The following DIAPH2 variants were observed in gnomAD, a reference collection of about 807,000 sequenced individuals.
DIAPH2 encodes the protein diaphanous related formin 2, also known as protein diaphanous homolog 2.
A neutral mutation model predicts 92.7 loss-of-function variants in DIAPH2; 35 were observed. The ratio of observed to expected loss-of-function variants is 0.38; its 90% CI spans 0.29 to 0.50. The LOEUF (loss-of-function observed/expected upper bound fraction) is 0.50. Ranked by LOEUF, DIAPH2 falls within the 20% of genes least tolerant of loss-of-function variation. The pLI is 0.94. For synonymous variants in DIAPH2, 301 were observed against 280.4 expected, an observed-to-expected ratio of 1.07 and a Z score of -0.73; for missense variants, 701 against 819.5, an observed-to-expected ratio of 0.86 and a Z score of 1.77.
At chrX:97,300,862 G>A (rs1457308819) in intron 23 of DIAPH2, among the ~76,000 whole-genome samples, 4 of 95,727 alleles carry the variant, frequency 4.2e-5, no homozygotes, top group Non-Finnish European at 8.2e-5. Context: ...AACCCGGGAG[G>A]CGGAGGTTGC....
chrX:97,364,385 A>G (rs2069358493), intron 24 of DIAPH2, among the ~76,000 whole-genome samples: 1 of 112,064 alleles, frequency 8.9e-6, no homozygotes, highest in African/African-American at 3.2e-5. Flanking sequence ...CAGGAGTTTC[A>G]TTGGCAGAGA....
At chrX:97,277,118 C>A (rs184151361) in intron 23 of DIAPH2, among the ~76,000 whole-genome samples, 1,213 of 112,130 alleles carry the variant, frequency 0.011, 14 homozygotes, top group African/African-American at 0.037. Context: ...AGGTGGATCA[C>A]CTGAGGTCAG....
chrX:97,412,183 C>G (rs1414142165), intron 25 of DIAPH2, among the ~76,000 whole-genome samples: 1 of 111,869 alleles, frequency 8.9e-6, no homozygotes, highest in African/African-American at 3.3e-5. Flanking sequence ...TGTAAAAGAA[C>G]AGAAATCACA....
chrX:96,879,866 A>G (rs977942781), intron 4 of DIAPH2, among the ~76,000 whole-genome samples: 4 of 110,535 alleles, frequency 3.6e-5, no homozygotes, highest in African/African-American at 1.3e-4. Flanking sequence ...AGTTGCTGGG[A>G]TTACAGGCAT....
At chrX:97,283,776 C>T (rs2147603259) in intron 23 of DIAPH2, among the ~76,000 whole-genome samples, 1 of 111,488 alleles carries the variant, frequency 9.0e-6, no homozygotes, top group East Asian at 2.8e-4. Context: ...AACCCTGTCT[C>T]TACTAAAAAT....
Position 97,393,478 on chromosome X carries a change from A to T in DIAPH2, c.3145+9434A>T, listed in dbSNP as rs904187608. Among the ~76,000 whole-genome samples the T allele has an allele frequency of 4.5e-5, 5 of 112,194 alleles. No homozygotes were observed. In the Admixed American group the frequency reaches 4.7e-4, roughly 11 times the overall value. On this transcript the variant is annotated intron_variant, in intron 25 of 26. Transcript: ENST00000324765. ...TAATATACCACTTATTTAAATGTAAAATTGAGAAAGCTAATTTAAATGCAA... is the reference window on the plus strand; with the variant it reads ...TAATATACCACTTATTTAAATGTAATATTGAGAAAGCTAATTTAAATGCAA...
chrX:97,213,549 T>A (rs185705422), intron 22 of DIAPH2, among the ~76,000 whole-genome samples: 126 of 112,139 alleles, frequency 1.1e-3, no homozygotes, highest in African/African-American at 3.9e-3. Flanking sequence ...TGTTTTAGAA[T>A]TGTGCTTTGC....
At chrX:97,305,251 G>A (rs1192020841) in intron 23 of DIAPH2, among the ~76,000 whole-genome samples, 1 of 111,439 alleles carries the variant, frequency 9.0e-6, no homozygotes, top group Non-Finnish European at 1.9e-5. Flanking sequence ...CCATCACTCT[G>A]GGAGGCCGAG....
At chrX:96,727,750 C>T (rs2064028676) in intron 1 of DIAPH2, among the ~76,000 whole-genome samples, 1 of 111,781 alleles carries the variant, frequency 8.9e-6, no homozygotes, top group Non-Finnish European at 1.9e-5. Context: ...AAGGTCTCTA[C>T]TGTTAGGGAA....
chrX:97,292,910 G>A (rs1474314016), intron 23 of DIAPH2, among the ~76,000 whole-genome samples: 2 of 111,303 alleles, frequency 1.8e-5, no homozygotes, highest in African/African-American at 6.5e-5. Flanking sequence ...TAGCCATTTG[G>A]AAATTTATGC....
At chrX:97,281,195 G>A (rs953473177) in intron 23 of DIAPH2, among the ~76,000 whole-genome samples, 1 of 111,820 alleles carries the variant, frequency 8.9e-6, no homozygotes, top group Non-Finnish European at 1.9e-5. Flanking sequence ...AGTATTTCTT[G>A]AAAAGTGATG....
intron 26 of DIAPH2, among the ~76,000 whole-genome samples, chrX:97,568,270 C>T (rs1427503857): frequency 4.5e-5 from 5 of 110,027 alleles, no homozygotes; most frequent in East Asian, 5.6e-4. Context: ...CTGATAAAAC[C>T]GTTTGAGGGT....
chrX:96,962,310 T>C lies in DIAPH2; in HGVS notation c.1936-2783T>C, dbSNP rs367885919. ...ACATATATATATATACATATATATA[T>C]ACATATATATATACACATATATATA... On this transcript the variant is annotated intron_variant, in intron 16 of 26. Coordinates refer to ENST00000324765, the MANE Select transcript of DIAPH2 (RefSeq NM_006729.5). Among the ~76,000 whole-genome samples, 198 of 37,506 alleles carry C rather than the reference T, an allele frequency of 5.3e-3. 6 individuals are homozygous for C. The highest frequency in any genetic ancestry group is 0.031 in the South Asian group (26 of 846). The allele number at this position is 37,506 out of a possible 115,157, so 32.6% of individuals were successfully genotyped here.
At chrX:97,589,028 A>ATATATATAG (rs1569430281) in intron 26 of DIAPH2, among the ~76,000 whole-genome samples, 1 of 9,677 alleles carries the variant, frequency 1.0e-4, no homozygotes, top group Non-Finnish European at 4.9e-4. Flanking sequence ...TATATATATA[A>ATATATATAG]AAGAATCAGA....
chrX:96,867,304 C>T (rs1022974301), intron 4 of DIAPH2, among the ~76,000 whole-genome samples: 4 of 110,857 alleles, frequency 3.6e-5, no homozygotes, highest in African/African-American at 1.3e-4. Context: ...CTGCAACCTC[C>T]GCCACCCAGG....
chrX:96,901,559 T>G (rs1345579999), intron 5 of DIAPH2, among the ~76,000 whole-genome samples: 22 of 73,867 alleles, frequency 3.0e-4, no homozygotes, highest in African/African-American at 1.0e-3. Context: ...TTTTTTTTTT[T>G]GAGACAAGGG....
intron 23 of DIAPH2, among the ~76,000 whole-genome samples, chrX:97,289,812 C>G (rs944109088): frequency 1.8e-5 from 2 of 109,333 alleles, no homozygotes. Flanking sequence ...GTAACCTCTG[C>G]CTCCTGGGTT....
intron 26 of DIAPH2, among the ~76,000 whole-genome samples, chrX:97,524,849 A>T (rs1043958027): frequency 1.1e-4 from 12 of 111,803 alleles, no homozygotes; most frequent in Non-Finnish European, 2.1e-4. Flanking sequence ...CATATTTTTA[A>T]CTGTCTATAT....
At chrX:96,900,829 T>C (rs2065388278) in intron 5 of DIAPH2, among the ~76,000 whole-genome samples, 1 of 112,185 alleles carries the variant, frequency 8.9e-6, no homozygotes, top group Non-Finnish European at 1.9e-5. Flanking sequence ...GATTCCGATA[T>C]ATTATGTTTT....
Sources: allele counts gnomAD v4.1 joint callset (sites outside exome capture counted in the v4.1 genomes callset), GRCh38; gene constraint gnomAD v4.1.1; transcripts MANE v1.5; gene names NCBI Gene and HGNC (gene_info 2026-07-23, HGNC 2026-07-21).